KANSL1: variants seen among roughly 807,000 people sequenced by gnomAD.
KANSL1 encodes the protein KAT8 regulatory NSL complex subunit 1.
KANSL1 carries 22 observed loss-of-function variants against 103.6 expected under a neutral mutation model. That is an observed-to-expected ratio of 0.21 (90% confidence interval 0.15 to 0.30). KANSL1 has a LOEUF of 0.30. Ranked by LOEUF, KANSL1 falls within the 10% of genes least tolerant of loss-of-function variation. KANSL1 has a pLI of 1.00. For synonymous variants in KANSL1, 600 were observed against 527.6 expected (o/e 1.14, Z -1.88); for missense variants, 1,337 against 1,399.8 (o/e 0.96, Z 0.72).
At chr17:46,036,958 C>T (rs545398766) in intron 10 of KANSL1, among the ~76,000 whole-genome samples, 358 of 152,204 alleles carry the variant, frequency 2.4e-3, no homozygotes, top group Non-Finnish European at 4.2e-3. Flanking sequence ...GTGATCCACC[C>T]GCCTCAGCCG....
chr17:46,175,315 TG>T (rs2046468864), intron 1 of KANSL1, among the ~76,000 whole-genome samples: 1 of 17,622 alleles, frequency 5.7e-5, no homozygotes, highest in Admixed American at 8.8e-4. Flanking sequence ...TATTGCTGTG[TG>T]TGTGTGTGTG....
At chr17:46,182,134 T>TA (rs1397402690) in intron 1 of KANSL1, among the ~76,000 whole-genome samples, 2 of 152,216 alleles carry the variant, frequency 1.3e-5, no homozygotes, top group African/African-American at 4.8e-5. Context: ...TGGTACATAG[T>TA]AAGTGCTGTA....
intron 2 of KANSL1, among the ~76,000 whole-genome samples, chr17:46,142,287 A>G (rs2044461394): frequency 6.6e-6 from 1 of 152,248 alleles, no homozygotes; most frequent in South Asian, 2.1e-4. Context: ...TATTTTTACC[A>G]AAGGATAAAT....
At chr17:46,195,460 G>C (rs1226400655), upstream of KANSL1, among the ~76,000 whole-genome samples, 1 of 152,254 alleles carries the variant, frequency 6.6e-6, no homozygotes, top group Non-Finnish European at 1.5e-5. Flanking sequence ...TTCTCTCATT[G>C]CTTAGTGCAA....
At chr17:46,077,407 C>T (rs2078818332) in intron 4 of KANSL1, among the ~76,000 whole-genome samples, 1 of 152,074 alleles carries the variant, frequency 6.6e-6, no homozygotes, top group South Asian at 2.1e-4. Flanking sequence ...AAAACAAGCA[C>T]TTTCACCAAG....
intron 1 of KANSL1, among the ~76,000 whole-genome samples, chr17:46,216,863 T>C (rs2048355644): frequency 6.6e-6 from 1 of 152,166 alleles, no homozygotes; most frequent in South Asian, 2.1e-4. Context: ...CCTAGCACTT[T>C]GGGAGGCCAA....
At chr17:46,102,873 G>A (rs888304209) in intron 2 of KANSL1, among the ~76,000 whole-genome samples, 36 of 152,156 alleles carry the variant, frequency 2.4e-4, no homozygotes, top group African/African-American at 8.0e-4. Context: ...TAAAATATAC[G>A]ATAAGAGATC....
At chr17:46,188,003 G>A (rs1014301884) in intron 1 of KANSL1, among the ~76,000 whole-genome samples, 43 of 152,188 alleles carry the variant, frequency 2.8e-4, no homozygotes, top group Admixed American at 1.4e-3. Flanking sequence ...TGGAGTCCAA[G>A]TATTTTGGTA....
At chr17:46,180,481 A>G (rs1353540984) in intron 1 of KANSL1, among the ~76,000 whole-genome samples, 3 of 152,152 alleles carry the variant, frequency 2.0e-5, no homozygotes, top group African/African-American at 7.2e-5. Flanking sequence ...CTGGGTGACA[A>G]AAGTGAGACT....
chr17:46,071,721 C>A (rs758558804), intron 4 of KANSL1, among the ~76,000 whole-genome samples: 11 of 152,102 alleles, frequency 7.2e-5, no homozygotes, highest in Non-Finnish European at 1.6e-4. Flanking sequence ...TAGGCAACTG[C>A]AAAAAGGATG....
intron 2 of KANSL1, among the ~76,000 whole-genome samples, chr17:46,116,856 C>G (rs1045823422): frequency 2.1e-4 from 32 of 152,092 alleles, no homozygotes; most frequent in African/African-American, 7.2e-4. Context: ...AAATGTACAA[C>G]AAAAATCTAT....
At chr17:46,200,989 G>A (rs781123236) in intron 1 of KANSL1, among the ~76,000 whole-genome samples, 5 of 151,724 alleles carry the variant, frequency 3.3e-5, no homozygotes, top group African/African-American at 7.3e-5. Context: ...TGGGCTCACC[G>A]CAACCTCCAC....
intron 2 of KANSL1, chr17:46,156,880 C>CA (rs1336546687): frequency 2.1e-5 from 3 of 140,128 alleles, no homozygotes; most frequent in African/African-American, 8.0e-5. Context: ...GCCTGGGTGA[C>CA]AGAGTGAGAC....
chr17:46,153,579 T>C (rs1319823271), intron 2 of KANSL1, among the ~76,000 whole-genome samples: 1 of 152,144 alleles, frequency 6.6e-6, no homozygotes, highest in Non-Finnish European at 1.5e-5. Context: ...AACAGAACAC[T>C]AGTATAGGAA....
intron 2 of KANSL1, among the ~76,000 whole-genome samples, chr17:46,124,508 C>T (rs939881081): frequency 4.6e-5 from 7 of 152,212 alleles, no homozygotes; most frequent in Admixed American, 4.6e-4. Flanking sequence ...GCCCACAGAT[C>T]AAGCAATAAT....
chr17:46,122,131 G>A (rs1231913088), intron 2 of KANSL1, among the ~76,000 whole-genome samples: 1 of 152,156 alleles, frequency 6.6e-6, no homozygotes, highest in Non-Finnish European at 1.5e-5. Flanking sequence ...TGACATACAG[G>A]TGCTAGCAAC....
chr17:46,202,235 T>A (rs187457317), intron 1 of KANSL1, among the ~76,000 whole-genome samples: 1 of 152,226 alleles, frequency 6.6e-6, no homozygotes, highest in Non-Finnish European at 1.5e-5. Context: ...AATGTGTACA[T>A]GAAACATAGA....
At position 46,067,602 on chromosome 17, in the gene KANSL1, T is replaced by G. The variant is rs1555746340; in HGVS notation, c.1599A>C (p.Ser533=). The part of the protein sequence containing the change: ...GAPIIGHISE[S]LSTKSCGALR... ...GTGCTCCACATGATTTGGTAGACAG[T>G]GACTCTGAAATATGACCAATAATAG... is the stretch of plus-strand genomic sequence containing the variant. Residue 533 remains serine (S), a synonymous_variant, in exon 5 of 15, where the codon TCA becomes TCC. Coordinates refer to ENST00000432791, the MANE Select transcript of KANSL1 (RefSeq NM_015443.4). 6.2e-7 allele frequency: 1 copy of G among 1,609,590 alleles called. No individual in the cohort carries two copies. Among genetic ancestry groups the G allele is most frequent in the African/African-American group, 1.3e-5 (1 of 74,814 alleles).
intron 2 of KANSL1, among the ~76,000 whole-genome samples, chr17:46,139,942 T>C (rs2044338197): frequency 6.6e-6 from 1 of 152,152 alleles, no homozygotes; most frequent in Non-Finnish European, 1.5e-5. Flanking sequence ...CCACAATAAT[T>C]CAAGTAAATT....
Sources: gnomAD v4.1 joint callset for allele counts (sites outside exome capture counted in the v4.1 genomes callset) on GRCh38, gnomAD v4.1.1 for gene constraint, MANE v1.5 for transcripts, NCBI Gene and HGNC (gene_info 2026-07-23, HGNC 2026-07-21) for gene names.